The following ROBO2 variants were observed in gnomAD, a reference collection of about 807,000 sequenced individuals.
ROBO2 encodes roundabout guidance receptor 2, also known as roundabout homolog 2.
In ROBO2, 53 loss-of-function variants were observed where a neutral mutation model predicts 160.8. That is an observed-to-expected ratio of 0.33 (90% CI 0.26 to 0.41). The LOEUF is 0.41. ROBO2 is among the 10% of genes least tolerant of loss of function. The pLI, the probability that ROBO2 is intolerant of heterozygous loss-of-function variation, is 1.00. For missense variants in ROBO2, 1,577 were observed against 1,722.4 expected (o/e 0.92, Z 1.49); for synonymous variants, 664 against 611.7 (o/e 1.09, Z -1.26).
Position 76,727,722 on chromosome 3 carries a change from AG to A in ROBO2, c.110-370291del, listed in dbSNP as rs559536974. Among the ~76,000 whole-genome samples the A allele has an allele frequency of 3.3e-3, 504 of 152,294 alleles. 3 individuals carry two copies. The highest frequency in any genetic ancestry group is 0.011 in the African/African-American group (441 of 41,574). ...TCAGGGAGGTAGAGAGTAGAATGCT[AG>A]ATACAGAGGCTAGGAAATGTCAGGA... is the stretch of plus-strand genomic sequence containing the variant. On this transcript the variant is annotated intron_variant, in intron 2 of 26. Transcript: ENST00000487694.
chr3:77,555,984 G>A (rs1237499667), intron 8 of ROBO2, among the ~76,000 whole-genome samples: 14 of 151,802 alleles, frequency 9.2e-5, no homozygotes, highest in Admixed American at 9.2e-4. Context: ...AAACTAATTA[G>A]ATGACCTTTG....
At chr3:76,421,900 A>T (rs750838850) in intron 2 of ROBO2, among the ~76,000 whole-genome samples, 1 of 152,160 alleles carries the variant, frequency 6.6e-6, no homozygotes, top group Non-Finnish European at 1.5e-5. Context: ...AACTACTGTG[A>T]TCCTTTTATG....
chr3:76,811,838 T>TTTCCTTCCTTCCTTCCTTCC (rs59218956), intron 2 of ROBO2, among the ~76,000 whole-genome samples: 1 of 33,442 alleles, frequency 3.0e-5, no homozygotes, highest in East Asian at 1.0e-3. Context: ...TCCTTCCTTC[T>TTTCCTTCCTTCCTTCCTTCC]TTCCTTCCTT....
intron 1 of ROBO2, among the ~76,000 whole-genome samples, chr3:77,072,215 C>T (rs976452479): frequency 2.0e-5 from 3 of 152,104 alleles, no homozygotes; most frequent in Admixed American, 1.3e-4. Context: ...TCCCATCCCC[C>T]CAGATGGGAC....
intron 2 of ROBO2, among the ~76,000 whole-genome samples, chr3:76,817,288 T>A (rs1285946692): frequency 1.3e-5 from 2 of 152,078 alleles, no homozygotes; most frequent in Admixed American, 6.6e-5. Flanking sequence ...AAGAATGGGA[T>A]GCTATATTAT....
chr3:77,125,601 C>T (rs1266985924), intron 2 of ROBO2, among the ~76,000 whole-genome samples: 3 of 151,962 alleles, frequency 2.0e-5, no homozygotes, highest in African/African-American at 4.8e-5. Flanking sequence ...TTTATGTCCG[C>T]GTGCCTGATC....
intron 2 of ROBO2, among the ~76,000 whole-genome samples, chr3:77,454,622 T>C (rs7651392): frequency 3.3e-5 from 5 of 152,240 alleles, no homozygotes; most frequent in African/African-American, 4.8e-5. Context: ...ATCTGACTTA[T>C]AATACTTCAC....
intron 2 of ROBO2, among the ~76,000 whole-genome samples, chr3:76,740,626 T>C (rs1483932753): frequency 6.6e-6 from 1 of 152,148 alleles, no homozygotes; most frequent in East Asian, 1.9e-4. Context: ...TTAATTATCA[T>C]GACAGTGACA....
chr3:76,247,732 C>T (rs1000981371), intron 2 of ROBO2, among the ~76,000 whole-genome samples: 2 of 151,874 alleles, frequency 1.3e-5, no homozygotes, highest in Non-Finnish European at 2.9e-5. Flanking sequence ...AGAAAATTTT[C>T]GCAACCTACT....
chr3:76,107,988 C>T (rs906460979), intron 2 of ROBO2, among the ~76,000 whole-genome samples: 4 of 152,000 alleles, frequency 2.6e-5, no homozygotes, highest in African/African-American at 9.7e-5. Context: ...AGGTAACCAC[C>T]ACAAAATCAG....
At chr3:76,032,241 C>T in intron 2 of ROBO2, among the ~76,000 whole-genome samples, 1 of 152,096 alleles carries the variant, frequency 6.6e-6, no homozygotes, top group Non-Finnish European at 1.5e-5. Flanking sequence ...TTTGATTCTT[C>T]TCTCTTTTCT....
At chr3:77,215,104 T>G (rs953038897) in intron 2 of ROBO2, among the ~76,000 whole-genome samples, 7 of 152,214 alleles carry the variant, frequency 4.6e-5, no homozygotes, top group Non-Finnish European at 8.8e-5. Context: ...TTCTCTGTAT[T>G]TCCTGAATTT....
intron 2 of ROBO2, among the ~76,000 whole-genome samples, chr3:76,664,393 T>A (rs914713521): frequency 6.6e-6 from 1 of 152,118 alleles, no homozygotes; most frequent in Non-Finnish European, 1.5e-5. Context: ...GCCTACTTAC[T>A]AACTGAGCTT....
intron 2 of ROBO2, among the ~76,000 whole-genome samples, chr3:76,783,212 A>G (rs151090509): frequency 1.3e-5 from 2 of 151,068 alleles, no homozygotes; most frequent in African/African-American, 4.8e-5. Context: ...AACTTTTTAT[A>G]TGGTGTATGC....
chr3:76,469,305 G>T (rs184665345), intron 2 of ROBO2, among the ~76,000 whole-genome samples: 80 of 152,130 alleles, frequency 5.3e-4, no homozygotes, highest in Admixed American at 1.6e-3. Flanking sequence ...GTCAGGTGCT[G>T]TAATGCTCTT....
At chr3:76,955,900 A>G (rs1297517191) in intron 2 of ROBO2, among the ~76,000 whole-genome samples, 2 of 151,716 alleles carry the variant, frequency 1.3e-5, no homozygotes, top group African/African-American at 4.8e-5. Flanking sequence ...AAAAAAAAAA[A>G]AAAAGAAAGA....
intron 1 of ROBO2, among the ~76,000 whole-genome samples, chr3:77,042,231 A>G (rs1000230048): frequency 2.6e-5 from 4 of 152,194 alleles, no homozygotes; most frequent in Admixed American, 6.5e-5. Flanking sequence ...AGATTTAATT[A>G]TTGTGAATTA....
At chr3:76,711,350 A>G (rs889830277) in intron 2 of ROBO2, among the ~76,000 whole-genome samples, 1 of 152,178 alleles carries the variant, frequency 6.6e-6, no homozygotes, top group African/African-American at 2.4e-5. Context: ...ATCTGCCCCC[A>G]TGAACAAACC....
At chr3:76,593,422 GA>G (rs1455982296) in intron 2 of ROBO2, among the ~76,000 whole-genome samples, 1 of 152,008 alleles carries the variant, frequency 6.6e-6, no homozygotes, top group African/African-American at 2.4e-5. Flanking sequence ...AAGGTGCCAG[GA>G]TCTTGATGGC....
Sources: allele counts gnomAD v4.1 joint callset (sites outside exome capture counted in the v4.1 genomes callset), GRCh38; gene constraint gnomAD v4.1.1; transcripts MANE v1.5; gene names NCBI Gene and HGNC (gene_info 2026-07-23, HGNC 2026-07-21).